TMEM178B: variants seen among roughly 807,000 people sequenced by gnomAD.
TMEM178B encodes transmembrane protein 178B.
In TMEM178B, 5 loss-of-function variants were observed where a neutral mutation model predicts 31.0. That is an observed-to-expected ratio of 0.16 (90% confidence interval 0.08 to 0.34). The LOEUF (loss-of-function observed/expected upper bound fraction) is 0.34. Ranked by LOEUF, TMEM178B falls within the 10% of genes least tolerant of loss-of-function variation. The pLI, the probability that TMEM178B is intolerant of heterozygous loss-of-function variation, is 1.00. For synonymous variants in TMEM178B, 164 were observed against 164.0 expected (o/e 1.00, Z 0.00); for missense variants, 275 against 400.3 (o/e 0.69, Z 2.67).
chr7:141,374,045 A>G (rs1025790883), intron 2 of TMEM178B, among the ~76,000 whole-genome samples: 2 of 152,168 alleles, frequency 1.3e-5, no homozygotes, highest in Non-Finnish European at 2.9e-5. Context: ...AAGAGTGGCT[A>G]TGAAGAGAAA....
chr7:141,377,241 T>C lies in TMEM178B; in HGVS notation c.497-60367T>C, dbSNP rs548330169. ...TCTTGTCACCCAGGCTGGAGTGCAA[T>C]GGAGCTATCTCGGCTCACTGCAACC... On this transcript the variant is annotated intron_variant, in intron 2 of 3. Coordinates refer to ENST00000565468, the MANE Select transcript of TMEM178B (RefSeq NM_001195278.2). Among the ~76,000 whole-genome samples, 9 of 151,946 alleles carry C rather than the reference T, an allele frequency of 5.9e-5. No homozygotes were observed. The East Asian group carries it at 1.4e-3, about 23-fold the overall frequency.
chr7:141,412,301 G>A (rs1801005566), intron 2 of TMEM178B, among the ~76,000 whole-genome samples: 1 of 152,208 alleles, frequency 6.6e-6, no homozygotes, highest in Admixed American at 6.5e-5. Context: ...AAGACCCTAG[G>A]ATGAGAGTGG....
chr7:141,219,280 A>AT (rs1159297593), intron 2 of TMEM178B, among the ~76,000 whole-genome samples: 1 of 151,824 alleles, frequency 6.6e-6, no homozygotes, highest in Non-Finnish European at 1.5e-5. Context: ...CCCTCCAGCT[A>AT]TTTTTTTCTT....
At chr7:141,398,563 G>A (rs2116615630) in intron 2 of TMEM178B, among the ~76,000 whole-genome samples, 1 of 152,292 alleles carries the variant, frequency 6.6e-6, no homozygotes, top group African/African-American at 2.4e-5. Context: ...TGTTCCCAAG[G>A]TTTGAAGCCT....
Position 141,429,369 on chromosome 7 carries a change from A to T in TMEM178B, c.497-8239A>T, listed in dbSNP as rs185847370. Among the ~76,000 whole-genome samples, 151 of 152,158 alleles carry T rather than the reference A, an allele frequency of 9.9e-4. 4 individuals carry two copies. Among genetic ancestry groups the T allele is most frequent in the Admixed American group, 9.9e-3 (151 of 15,282 alleles). Reference sequence around the variant, plus strand: ...TACAATAGAATATTATTCAGCCATAAAAAAGAATGAAATCCTGCCATTTGC... The same window carrying T: ...TACAATAGAATATTATTCAGCCATATAAAAGAATGAAATCCTGCCATTTGC... On this transcript the variant is annotated intron_variant, in intron 2 of 3. Coordinates refer to ENST00000565468, the MANE Select transcript of TMEM178B (RefSeq NM_001195278.2).
intron 2 of TMEM178B, among the ~76,000 whole-genome samples, chr7:141,321,827 A>C (rs1009698408): frequency 2.1e-5 from 3 of 144,736 alleles, no homozygotes; most frequent in South Asian, 2.2e-4. Flanking sequence ...GTCCAACATT[A>C]AAAAAAAAAA....
intron 2 of TMEM178B, among the ~76,000 whole-genome samples, chr7:141,216,219 C>T (rs1797141396): frequency 6.6e-6 from 1 of 152,028 alleles, no homozygotes; most frequent in South Asian, 2.1e-4. Flanking sequence ...GGAAAAGGCA[C>T]AATTTGGTTT....
intron 2 of TMEM178B, among the ~76,000 whole-genome samples, chr7:141,398,574 C>T (rs1800698316): frequency 6.6e-6 from 1 of 152,232 alleles, no homozygotes; most frequent in Admixed American, 6.5e-5. Flanking sequence ...TTTGAAGCCT[C>T]AGACACCAGT....
intron 2 of TMEM178B, among the ~76,000 whole-genome samples, chr7:141,283,158 A>G (rs372873539): frequency 3.4e-4 from 51 of 152,220 alleles, no homozygotes; most frequent in Admixed American, 2.9e-3. Context: ...AAGAGCATAG[A>G]CTCAGCTCTT....
intron 3 of TMEM178B, among the ~76,000 whole-genome samples, chr7:141,457,689 G>A (rs1312030123): frequency 6.6e-6 from 1 of 152,236 alleles, no homozygotes; most frequent in African/African-American, 2.4e-5. Context: ...AGAAGCCAGG[G>A]TCAGAACCTC....
At chr7:141,244,040 A>G (rs1381747805) in intron 2 of TMEM178B, among the ~76,000 whole-genome samples, 2 of 152,186 alleles carry the variant, frequency 1.3e-5, no homozygotes, top group Non-Finnish European at 2.9e-5. Flanking sequence ...CGTTTTGTGC[A>G]GTTCAGTCTT....
intron 2 of TMEM178B, among the ~76,000 whole-genome samples, chr7:141,246,129 GTC>G (rs1204869615): frequency 6.6e-6 from 1 of 152,060 alleles, no homozygotes; most frequent in African/African-American, 2.4e-5. Flanking sequence ...GAGGGGATGA[GTC>G]TGAATAAGAA....
chr7:141,242,294 C>G (rs1797635516), intron 2 of TMEM178B, among the ~76,000 whole-genome samples: 1 of 152,114 alleles, frequency 6.6e-6, no homozygotes, highest in Non-Finnish European at 1.5e-5. Flanking sequence ...AAAATTACAT[C>G]AAAGTCGAAA....
intron 1 of TMEM178B, among the ~76,000 whole-genome samples, chr7:141,142,427 A>G (rs1261940132): frequency 4.4e-5 from 6 of 137,118 alleles, no homozygotes; most frequent in Admixed American, 2.3e-4. Context: ...TTTTTTTTTG[A>G]GATGGAGTCT....
chr7:141,113,901 G>C (rs148853531), intron 1 of TMEM178B, among the ~76,000 whole-genome samples: 83 of 152,322 alleles, frequency 5.4e-4, no homozygotes, highest in Admixed American at 1.6e-3. Flanking sequence ...AGGGGAGAAG[G>C]TTATTTAGAT....
Position 141,190,345 on chromosome 7 carries a change from G to T in TMEM178B, c.383-22246G>T, listed in dbSNP as rs888653240. 2.8e-4 allele frequency among the ~76,000 whole-genome samples: 42 copies of T among 151,862 alleles called. 1 individual carries two copies. The highest frequency in any genetic ancestry group is 2.6e-4 in the Admixed American group (4 of 15,228). ...TTTTTTTTCTTTTAGACAGGGTCTT[G>T]TTCTGTTGCCCAGGCTGGAGTACAG... On this transcript the variant is annotated intron_variant, in intron 1 of 3. Transcript: ENST00000565468.
the TMEM178B span, among the ~76,000 whole-genome samples, chr7:141,488,471 C>T: frequency 8.6e-5 from 13 of 151,610 alleles, no homozygotes; most frequent in Admixed American, 5.9e-4. Context: ...GACAGAGTCT[C>T]GCTCTGTCAC....
chr7:141,268,481 A>G (rs1207431953), intron 2 of TMEM178B, among the ~76,000 whole-genome samples: 1 of 152,246 alleles, frequency 6.6e-6, no homozygotes, highest in Non-Finnish European at 1.5e-5. Context: ...TTGATGCTGT[A>G]ATTGAAGAGT....
downstream of TMEM178B, among the ~76,000 whole-genome samples, chr7:141,484,164 G>A (rs1007510321): frequency 3.9e-5 from 6 of 152,174 alleles, no homozygotes; most frequent in Non-Finnish European, 7.3e-5. This position sits in a 1 kb window ranked among gnomAD's most constrained non-coding sequence, Gnocchi z 4.8. Context: ...CACATTTATT[G>A]TATTCAATCA....
Sources: allele counts gnomAD v4.1 joint callset (sites outside exome capture counted in the v4.1 genomes callset), GRCh38; gene constraint gnomAD v4.1.1; non-coding constraint Gnocchi (gnomAD v3.1); transcripts MANE v1.5; gene names NCBI Gene and HGNC (gene_info 2026-07-23, HGNC 2026-07-21).